Variants in GRIK2 observed in about 807,000 individuals in gnomAD.
GRIK2 encodes glutamate receptor ionotropic, kainate 2.
GRIK2 carries 32 observed loss-of-function variants against 100.3 expected under a neutral mutation model. The ratio of observed to expected loss-of-function variants is 0.32; its 90% CI spans 0.24 to 0.43. The LOEUF is 0.43. Ranked by LOEUF, GRIK2 falls within the 20% of genes least tolerant of loss-of-function variation. GRIK2 has a pLI of 1.00. For synonymous variants in GRIK2, 417 were observed against 389.4 expected (o/e 1.07, Z -0.83); for missense variants, 843 against 1,114.9 (o/e 0.76, Z 3.47).
At chr6:101,955,245 T>C (rs919324031) in intron 14 of GRIK2, among the ~76,000 whole-genome samples, 1 of 152,146 alleles carries the variant, frequency 6.6e-6, no homozygotes, top group African/African-American at 2.4e-5. Context: ...CTGCCTCTTT[T>C]GCTTTTTGGA....
At chr6:101,579,232 C>A (rs1387122063) in intron 2 of GRIK2, among the ~76,000 whole-genome samples, 1 of 151,956 alleles carries the variant, frequency 6.6e-6, no homozygotes, top group Admixed American at 6.6e-5. Flanking sequence ...GTATATATTC[C>A]CATGGTCATG....
At chr6:101,557,495 C>T (rs9373614) in intron 2 of GRIK2, among the ~76,000 whole-genome samples, 24,056 of 152,068 alleles carry the variant, frequency 0.16, 2,196 homozygotes, top group South Asian at 0.31. Flanking sequence ...TGCTACTTAA[C>T]CACAGAACTT....
At position 101,871,224 on chromosome 6, in the gene GRIK2, G is replaced by A. The variant is rs1333455519; in HGVS notation, c.1524+11731G>A. ...ACATCTTAATAAAATCTTTTTGGAT[G>A]GATCATTTCTAGAATGTATTACATG... On this transcript the variant is annotated intron_variant, in intron 11 of 16. Transcript: ENST00000369134. 4.0e-5 allele frequency among the ~76,000 whole-genome samples: 6 copies of A among 149,868 alleles called. No homozygotes were observed. In the East Asian group the frequency reaches 1.2e-3, roughly 30 times the overall value.
At chr6:101,746,790 C>T (rs1410478676) in intron 7 of GRIK2, among the ~76,000 whole-genome samples, 1 of 151,338 alleles carries the variant, frequency 6.6e-6, no homozygotes, top group African/African-American at 2.4e-5. Flanking sequence ...TGTGTATGCA[C>T]ACACACACAC....
At chr6:102,006,368 TTATATATA>T (rs3029070) in intron 14 of GRIK2, among the ~76,000 whole-genome samples, 1 of 125,840 alleles carries the variant, frequency 7.9e-6, no homozygotes, top group African/African-American at 3.5e-5. Context: ...GATAAACCTT[TTATATATA>T]TATATATATA....
At chr6:101,674,236 A>G (rs775926313) in intron 4 of GRIK2, among the ~76,000 whole-genome samples, 3 of 152,142 alleles carry the variant, frequency 2.0e-5, no homozygotes, top group Non-Finnish European at 4.4e-5. Flanking sequence ...TTTTATGACC[A>G]AGAAGGTCAT....
intron 2 of GRIK2, among the ~76,000 whole-genome samples, chr6:101,494,248 C>T (rs933593287): frequency 6.6e-6 from 1 of 151,122 alleles, no homozygotes. Flanking sequence ...CTTAAGTCTT[C>T]AATAAACGTG....
chr6:102,053,275 T>C (rs1771296857), intron 15 of GRIK2, among the ~76,000 whole-genome samples: 1 of 152,092 alleles, frequency 6.6e-6, no homozygotes, highest in Non-Finnish European at 1.5e-5. Flanking sequence ...TCTTCCCCAT[T>C]AAGTAAGCAT....
At chr6:101,712,446 C>T (rs1773784894) in intron 7 of GRIK2, among the ~76,000 whole-genome samples, 1 of 151,744 alleles carries the variant, frequency 6.6e-6, no homozygotes, top group African/African-American at 2.4e-5. Flanking sequence ...GAACTACTTA[C>T]TAAGGTGGAC....
At chr6:101,451,695 A>AT (rs1491571358) in intron 2 of GRIK2, among the ~76,000 whole-genome samples, 18 of 125,358 alleles carry the variant, frequency 1.4e-4, no homozygotes, top group Non-Finnish European at 3.0e-4. Flanking sequence ...TTTATCTCTG[A>AT]GGGGGGGGGG....
At chr6:101,881,370 A>G (rs1274501047) in intron 11 of GRIK2, among the ~76,000 whole-genome samples, 2 of 151,910 alleles carry the variant, frequency 1.3e-5, no homozygotes, top group East Asian at 1.9e-4. Context: ...AGAATCAAGA[A>G]ATCAGTAATA....
intron 6 of GRIK2, among the ~76,000 whole-genome samples, chr6:101,684,899 T>A (rs1395968799): frequency 6.6e-6 from 1 of 152,094 alleles, no homozygotes; most frequent in Non-Finnish European, 1.5e-5. Flanking sequence ...GAGAGTCTTA[T>A]GACCTCCTTT....
In GRIK2 at chr6:101,889,654, A is replaced by C; in HGVS notation, c.1539A>C (p.Ala513=). The change falls in exon 12 of 17, where the codon GCA becomes GCC. Residue 513 remains alanine (A), a synonymous_variant. Coordinates refer to ENST00000369134, the MANE Select transcript of GRIK2 (RefSeq NM_021956.5). ...TCTGTCTACAGAAAGCTGACCTTGC[A>C]GTTGCTCCACTGGCTATTACCTATG... ...RELIDHKADL[A]VAPLAITYVR... is the part of the protein sequence containing the mutation. The C allele has an allele frequency of 6.5e-7, 1 of 1,545,584 alleles. No individual in the cohort carries two copies. The highest frequency in any genetic ancestry group is 8.8e-7 in the Non-Finnish European group (1 of 1,133,758).
At chr6:101,835,662 G>A (rs1283664974) in intron 10 of GRIK2, among the ~76,000 whole-genome samples, 1 of 148,418 alleles carries the variant, frequency 6.7e-6, no homozygotes, top group Non-Finnish European at 1.5e-5. Context: ...TAGAGATGGG[G>A]TTTCACCATG....
chr6:101,861,674 A>G (rs958306246), intron 11 of GRIK2, among the ~76,000 whole-genome samples: 2 of 152,158 alleles, frequency 1.3e-5, no homozygotes, highest in Non-Finnish European at 2.9e-5. Context: ...ATATTAAAAC[A>G]AACTCAAAAT....
intron 14 of GRIK2, among the ~76,000 whole-genome samples, chr6:102,025,926 C>T (rs1209656483): frequency 6.6e-6 from 1 of 150,614 alleles, no homozygotes; most frequent in Non-Finnish European, 1.5e-5. Flanking sequence ...TAAGTCTCCT[C>T]ACCTGAAAAG....
At chr6:101,464,902 A>C (rs540090371) in intron 2 of GRIK2, among the ~76,000 whole-genome samples, 1 of 152,312 alleles carries the variant, frequency 6.6e-6, no homozygotes, top group African/African-American at 2.4e-5. Context: ...TATACCTGGC[A>C]GAGACTAAGT....
intron 2 of GRIK2, among the ~76,000 whole-genome samples, chr6:101,442,214 G>T (rs1179629954): frequency 6.6e-6 from 1 of 152,130 alleles, no homozygotes; most frequent in Non-Finnish European, 1.5e-5. Flanking sequence ...ACCAGGAAAA[G>T]ATTAGGCTCA....
chr6:101,876,547 G>A (rs1785862889), intron 11 of GRIK2, among the ~76,000 whole-genome samples: 1 of 150,226 alleles, frequency 6.7e-6, no homozygotes, highest in Non-Finnish European at 1.5e-5. Context: ...CACCATTCAG[G>A]GCCCACTTAT....
Sources: allele counts gnomAD v4.1 joint callset (sites outside exome capture counted in the v4.1 genomes callset), GRCh38; gene constraint gnomAD v4.1.1; transcripts MANE v1.5; gene names NCBI Gene and HGNC (gene_info 2026-07-23, HGNC 2026-07-21).